The following PRRC2B variants were observed in gnomAD, a reference collection of about 807,000 sequenced individuals.
The protein encoded by PRRC2B is protein PRRC2B.
A neutral mutation model predicts 242.3 loss-of-function variants in PRRC2B; 68 were observed. The ratio of observed to expected loss-of-function variants is 0.28; its 90% CI spans 0.23 to 0.34. The LOEUF (loss-of-function observed/expected upper bound fraction) is 0.34. Among genes scored for constraint, PRRC2B ranks in the 10% least tolerant of loss-of-function variants. PRRC2B has a pLI of 1.00. For synonymous variants in PRRC2B, 1,228 were observed against 1,173.6 expected (o/e 1.05, Z -0.95); for missense variants, 2,835 against 2,954.8 (o/e 0.96, Z 0.94).
rs1452110797 is a variant in PRRC2B at position 131,420,467 on chromosome 9, T to TTC, written c.-51-9625_-51-9624dup. 2.6e-4 allele frequency among the ~76,000 whole-genome samples: 3 copies of TTC among 11,678 alleles called. No individual in the cohort carries two copies. In the East Asian group the frequency reaches 7.0e-3, roughly 27 times the overall value. The allele number at this position is 11,678 out of a possible 152,430, so 7.7% of individuals were successfully genotyped here. A position where few individuals can be genotyped will look rare whatever the true frequency, so the allele number is the denominator to read the frequency against. ...TTTCTTTTTCTTTTTCTTTCTTTCTTTCTTTCTTTCTTTCTTTCTTTCTTT... is the reference window on the plus strand; with the variant it reads ...TTTCTTTTTCTTTTTCTTTCTTTCTTTCTCTTTCTTTCTTTCTTTCTTTCTTT... On this transcript the variant is annotated intron_variant, in intron 1 of 31. Coordinates refer to ENST00000683519, the MANE Select transcript of PRRC2B (RefSeq NM_013318.4).
In PRRC2B at chr9:131,446,638, C is replaced by G. The variant is rs1352807372; in HGVS notation, c.851C>G (p.Ala284Gly). The G allele has an allele frequency of 1.2e-6, 2 of 1,613,940 alleles. No individual in the cohort carries two copies. The highest frequency in any genetic ancestry group is 8.5e-7 in the Non-Finnish European group (1 of 1,179,844). Residue 284 changes from alanine to glycine, a missense_variant, in exon 7 of 32, where the codon GCT becomes GGT. This residue lies in a region of PRRC2B where 626 missense variants were observed against 685.5 expected (regional missense o/e 0.91). Coordinates refer to ENST00000683519, the MANE Select transcript of PRRC2B (RefSeq NM_013318.4). The surrounding 1 kb of genome is among the most constrained non-coding windows in gnomAD (Gnocchi z 4.1). ...HPPTYHDMLP[A>G]FMCSPKSSEN... Reference sequence around the variant, plus strand: ...CCTACATACCATGACATGCTTCCTGCTTTTGTAAGTCTTCAGAGTGTACTT... The same window carrying G: ...CCTACATACCATGACATGCTTCCTGGTTTTGTAAGTCTTCAGAGTGTACTT...
At chr9:131,481,030 G>T (rs1468358375) in intron 19 of PRRC2B, among the ~76,000 whole-genome samples, 3 of 151,790 alleles carry the variant, frequency 2.0e-5, no homozygotes, top group Non-Finnish European at 4.4e-5. Context: ...GGCCAGGCCT[G>T]GTGGCTCACG....
At position 131,495,866 on chromosome 9, in the gene PRRC2B, A is replaced by G; in HGVS notation, c.6682A>G (p.Lys2228Glu). Residue 2228 changes from lysine to glutamate, a missense_variant, in exon 32 of 32, where the codon AAG becomes GAG. Transcript: ENST00000683519. The stretch of plus-strand genomic sequence containing the variant: ...TCGGGCTGTCAAAGTGGAGGAGAGT[A>G]AGGCCTGACAGTGCCTGGCTGCCAC... ...KPRAVKVEES[K>E]A The G allele has an allele frequency of 6.2e-7, 1 of 1,605,096 alleles. No homozygotes were observed. The highest frequency in any genetic ancestry group is 8.5e-7 in the Non-Finnish European group (1 of 1,172,882).
Position 131,465,021 on chromosome 9 carries a change from T to C in PRRC2B, c.1663T>C (p.Trp555Arg), listed in dbSNP as rs2131423723. ...GAAGCAGGCAGAGAAGGAAGTGCCC[T>C]GGTCTCCAAGTGCTGAGAAGGCATC... ...ARKQAEKEVPWSPSAEKASPQ... is the reference protein window; with the variant it reads ...ARKQAEKEVPRSPSAEKASPQ... Residue 555 changes from tryptophan (W) to arginine (R), a missense_variant, in exon 12 of 32, where the codon TGG becomes CGG. By Grantham distance (101) the Trp-to-Arg change is moderately radical (BLOSUM62 -3). Coordinates refer to ENST00000683519, the MANE Select transcript of PRRC2B (RefSeq NM_013318.4). 1 of 1,613,986 alleles carries C rather than the reference T, an allele frequency of 6.2e-7. No individual in the cohort carries two copies. Among genetic ancestry groups the C allele is most frequent in the Non-Finnish European group, 8.5e-7 (1 of 1,179,902 alleles).
intron 1 of PRRC2B, among the ~76,000 whole-genome samples, chr9:131,403,504 G>T (rs1376412313): frequency 6.6e-6 from 1 of 151,220 alleles, no homozygotes; most frequent in Non-Finnish European, 1.5e-5. Context: ...GGTGCATCCC[G>T]CCACGCCTGG....
At chr9:131,442,278 A>G (rs1403956255) in intron 5 of PRRC2B, among the ~76,000 whole-genome samples, 1 of 152,102 alleles carries the variant, frequency 6.6e-6, no homozygotes, top group Non-Finnish European at 1.5e-5. Flanking sequence ...GACTACAGGC[A>G]TGCACCACCA....
At chr9:131,421,103 A>G (rs538329708) in intron 1 of PRRC2B, among the ~76,000 whole-genome samples, 152 of 152,304 alleles carry the variant, frequency 1.0e-3, no homozygotes, top group Middle Eastern at 3.4e-3. Context: ...GAGTTGAGCA[A>G]TTGCAGCAGA....
chr9:131,402,372 T>C (rs918663434), intron 1 of PRRC2B, among the ~76,000 whole-genome samples: 3 of 152,214 alleles, frequency 2.0e-5, no homozygotes, highest in African/African-American at 7.2e-5. Flanking sequence ...GTCTGGCTTA[T>C]TTTTAGCATA....
rs1321721920 is a variant in PRRC2B at position 131,497,381 on chromosome 9, G to A, written c.*1507G>A. ...CTGTCATTCCAAGGAAAGGGAAGGGGACAGTTCAGGTTTCTCAGCTGTTCT... is the reference window on the plus strand; with the variant it reads ...CTGTCATTCCAAGGAAAGGGAAGGGAACAGTTCAGGTTTCTCAGCTGTTCT... On this transcript the variant is annotated 3_prime_UTR_variant, in exon 32 of 32. Coordinates refer to ENST00000683519, the MANE Select transcript of PRRC2B (RefSeq NM_013318.4). 1 of 152,244 alleles carries A rather than the reference G, an allele frequency of 6.6e-6. No homozygotes were observed. Among genetic ancestry groups the A allele is most frequent in the Non-Finnish European group, 1.5e-5 (1 of 68,070 alleles). 9.4% of individuals were successfully genotyped at this position (152,244 alleles called of 1,614,324 possible).
At chr9:131,449,754 A>C in intron 9 of PRRC2B, among the ~76,000 whole-genome samples, 1 of 152,116 alleles carries the variant, frequency 6.6e-6, no homozygotes. Context: ...TTTAATTTAC[A>C]AATTTGGGTT....
Position 131,436,640 on chromosome 9 carries a change from A to C in PRRC2B, c.314A>C (p.Gln105Pro). 1 of 1,613,934 alleles carries C rather than the reference A, an allele frequency of 6.2e-7. No individual in the cohort carries two copies. The highest frequency in any genetic ancestry group is 8.5e-7 in the Non-Finnish European group (1 of 1,179,840). The change falls in exon 4 of 32, where the codon CAG becomes CCG. Residue 105 changes from glutamine (Q) to proline (P), a missense_variant. Physicochemically the swap from Gln to Pro is moderately conservative, Grantham distance 76 (BLOSUM62 -1). This residue lies in a region of PRRC2B where 626 missense variants were observed against 685.5 expected (regional missense o/e 0.91). Transcript: ENST00000683519. ...TCTAGTTCCAGTGCGACGGCCTCTC[A>C]GCCGCCGGAGTCGCTGCCGCAGCCG... ...DPKSSSATAS[Q>P]PPESLPQPGL... is the part of the protein sequence containing the mutation.
At chr9:131,407,265 T>C (rs1837390608) in intron 1 of PRRC2B, among the ~76,000 whole-genome samples, 2 of 152,012 alleles carry the variant, frequency 1.3e-5, no homozygotes, top group Non-Finnish European at 2.9e-5. Flanking sequence ...GGCATGCCCT[T>C]AGGGTAATGG....
chr9:131,400,766 C>T (rs534904262), intron 1 of PRRC2B, among the ~76,000 whole-genome samples: 6 of 152,250 alleles, frequency 3.9e-5, no homozygotes, highest in South Asian at 2.1e-4. Context: ...CCTGGTTAAG[C>T]CCTTTGATGA....
upstream of PRRC2B, among the ~76,000 whole-genome samples, chr9:131,390,033 G>A (rs1836879556): frequency 7.0e-6 from 1 of 142,666 alleles, no homozygotes; most frequent in South Asian, 2.2e-4. Context: ...CGATTCTCCT[G>A]CCTCAGCCTC....
At chr9:131,451,073 T>TTTTGTTCTTTAAGAA (rs1188858925) in intron 9 of PRRC2B, among the ~76,000 whole-genome samples, 1 of 152,216 alleles carries the variant, frequency 6.6e-6, no homozygotes, top group Non-Finnish European at 1.5e-5. Flanking sequence ...AAGAACAATT[T>TTTTGTTCTTTAAGAA]CATTTTTTAA....
Position 131,494,312 on chromosome 9 carries a change from T to A in PRRC2B, c.6474-93T>A. ...GTGAGCGCCTCTGGCCGCAGGCCCT[T>A]CCTTCCTTGTGCCTCCTCCATGTGC... On this transcript the variant is annotated intron_variant, in intron 30 of 31. Coordinates refer to ENST00000683519, the MANE Select transcript of PRRC2B (RefSeq NM_013318.4). This position sits in a 1 kb window ranked among gnomAD's most constrained non-coding sequence, Gnocchi z 4.3. The A allele has an allele frequency of 1.4e-6, 1 of 692,444 alleles. No homozygotes were observed. The highest frequency in any genetic ancestry group is 2.5e-6 in the Non-Finnish European group (1 of 396,562). 42.9% of individuals were successfully genotyped at this position (692,444 alleles called of 1,614,324 possible). A position where few individuals can be genotyped will look rare whatever the true frequency, so the allele number is the denominator to read the frequency against.
chr9:131,435,520 CAGG>C (rs1161070767), intron 3 of PRRC2B, among the ~76,000 whole-genome samples: 5 of 151,250 alleles, frequency 3.3e-5, no homozygotes, highest in Middle Eastern at 3.4e-3. Flanking sequence ...GAGACTGAGG[CAGG>C]AGAATCGCTT....
At chr9:131,488,239 A>C in intron 28 of PRRC2B, 143 bp downstream of exon 28, 1 of 1,182,886 alleles carries the variant, frequency 8.5e-7, no homozygotes, top group Non-Finnish European at 1.2e-6. Context: ...AGCGTGCAGG[A>C]AATCAGCCTC....
chr9:131,405,514 T>TCGACTCAACCTCTTGG (rs1403441355), intron 1 of PRRC2B, among the ~76,000 whole-genome samples: 1 of 152,182 alleles, frequency 6.6e-6, no homozygotes, highest in African/African-American at 2.4e-5. Flanking sequence ...ATCTCACTTC[T>TCGACTCAACCTCTTGG]CGACTCAACC....
Sources: gnomAD v4.1 joint callset for allele counts (sites outside exome capture counted in the v4.1 genomes callset) on GRCh38, gnomAD v4.1.1 for gene constraint, gnomAD v4.1.1 regional missense constraint, Gnocchi (gnomAD v3.1) non-coding constraint, MANE v1.5 for transcripts, NCBI Gene and HGNC (gene_info 2026-07-23, HGNC 2026-07-21) for gene names.